Variants in DECR1 observed in about 807,000 individuals in gnomAD.
The protein encoded by DECR1 is 2,4-dienoyl-CoA reductase [(3E)-enoyl-CoA-producing], mitochondrial.
In DECR1, 44 loss-of-function variants were observed where a neutral mutation model predicts 38.8. That is an observed-to-expected ratio of 1.13 (90% CI 0.89 to 1.46). The LOEUF is 1.46. Among genes scored for constraint, DECR1 ranks in the 40% most tolerant of loss-of-function variants. The probability of loss-of-function intolerance (pLI) is 0.00; values close to 1 mark genes in which losing one functional copy is unlikely to be tolerated. For missense variants in DECR1, 428 were observed against 405.5 expected (o/e 1.06, Z -0.48); for synonymous variants, 148 against 135.2 (o/e 1.09, Z -0.66).
Position 90,017,212 on chromosome 8 carries a change from C to T in DECR1, c.158C>T (p.Pro53Leu). The change falls in exon 2 of 10, where the codon CCA becomes CTA. Residue 53 changes from proline to leucine, a missense_variant. Pro to Leu is a moderately conservative substitution (Grantham distance 98, BLOSUM62 -3). Transcript: ENST00000220764. ...FFSPLQKAML[P>L]PNSFQGKVAF... ...TCACCTCTTCAAAAAGCGATGCTACCACCTAATAGTTTTCAAGGAAAAGTG... is the reference window on the plus strand; with the variant it reads ...TCACCTCTTCAAAAAGCGATGCTACTACCTAATAGTTTTCAAGGAAAAGTG... 1 of 1,613,972 alleles carries T rather than the reference C, an allele frequency of 6.2e-7. No individual in the cohort carries two copies. Among genetic ancestry groups the T allele is most frequent in the South Asian group, 1.1e-5 (1 of 91,068 alleles).
chr8:90,031,759 T>A (rs1813500610), intron 5 of DECR1, among the ~76,000 whole-genome samples: 2 of 152,162 alleles, frequency 1.3e-5, no homozygotes, highest in South Asian at 4.1e-4. Flanking sequence ...GAGTTAGAAC[T>A]GCAACCAACA....
intron 1 of DECR1, among the ~76,000 whole-genome samples, chr8:90,011,893 T>C (rs1812891693): frequency 6.6e-6 from 1 of 152,314 alleles, no homozygotes; most frequent in Middle Eastern, 3.4e-3. Flanking sequence ...TCCTAAGAAG[T>C]TGCCAGAATT....
intron 8 of DECR1, among the ~76,000 whole-genome samples, chr8:90,045,905 G>A (rs1204234094): frequency 3.9e-5 from 6 of 152,194 alleles, no homozygotes; most frequent in Admixed American, 2.6e-4. Context: ...CTCCACTGGT[G>A]ATACCCAGGC....
rs1812611763 is a variant in DECR1, at chr8:90,001,571, C to A, written c.69+10C>A. 2.5e-6 allele frequency: 4 copies of A among 1,610,120 alleles called. No homozygotes were observed. The highest frequency in any genetic ancestry group is 3.4e-6 in the Non-Finnish European group (4 of 1,177,732). ...CCTCGCTCCTCGGAGGGTAAGGCGG[C>A]CGGGGGCGCGGGGAGCGAGGACAGG... On this transcript the variant is annotated intron_variant, in intron 1 of 9. Coordinates refer to ENST00000220764, the MANE Select transcript of DECR1 (RefSeq NM_001359.2).
At chr8:90,041,211 C>T (rs1021655398) in intron 6 of DECR1, among the ~76,000 whole-genome samples, 4 of 152,152 alleles carry the variant, frequency 2.6e-5, no homozygotes, top group African/African-American at 4.8e-5. Flanking sequence ...TTGCATTTCT[C>T]TAATGATCAG....
intron 5 of DECR1, among the ~76,000 whole-genome samples, chr8:90,035,942 T>C (rs1018332107): frequency 6.6e-6 from 1 of 151,902 alleles, no homozygotes; most frequent in Admixed American, 6.6e-5. Flanking sequence ...TTTTTTTTTC[T>C]GAGCTCTCTA....
chr8:90,014,031 A>G (rs1812949799), intron 1 of DECR1, among the ~76,000 whole-genome samples: 1 of 152,212 alleles, frequency 6.6e-6, no homozygotes, highest in South Asian at 2.1e-4. Flanking sequence ...GGAGAGATTT[A>G]GAGCTTGTAA....
rs754396277 is a variant in DECR1 at position 90,017,214 on chromosome 8, C to T, written c.160C>T (p.Pro54Ser). The stretch of plus-strand genomic sequence containing the variant: ...ACCTCTTCAAAAAGCGATGCTACCA[C>T]CTAATAGTTTTCAAGGAAAAGTGGC... ...FSPLQKAMLP[P>S]NSFQGKVAFI... The change falls in exon 2 of 10, where the codon CCT becomes TCT. Residue 54 changes from proline to serine, a missense_variant. Transcript: ENST00000220764. The T allele has an allele frequency of 1.9e-6, 3 of 1,614,052 alleles. No individual in the cohort carries two copies. In the Admixed American group the frequency reaches 5.0e-5, roughly 27 times the overall value.
chr8:90,011,722 T>G (rs1032767701), intron 1 of DECR1, among the ~76,000 whole-genome samples: 2 of 152,232 alleles, frequency 1.3e-5, no homozygotes, highest in African/African-American at 4.8e-5. Flanking sequence ...GTTTTCTTAA[T>G]TTCATTTTCA....
rs1450914268 is a variant in DECR1, at chr8:90,051,729, A to G, written c.938A>G (p.Asp313Gly). 1.2e-6 allele frequency: 2 copies of G among 1,613,238 alleles called. No homozygotes were observed. The highest frequency in any genetic ancestry group is 1.7e-6 in the Non-Finnish European group (2 of 1,179,846). The change falls in exon 9 of 10, where the codon GAC (aspartate) becomes GGC (glycine). Residue 313 changes from aspartate (D) to glycine (G), a missense_variant. Asp to Gly is a moderately conservative substitution (Grantham distance 94). Coordinates refer to ENST00000220764, the MANE Select transcript of DECR1 (RefSeq NM_001359.2). ...GTACTTATTTCAGGGGAATTCAACG[A>G]CCTGAGAAAGGTAATGCTTTTGTGT... ...EEVLISGEFN[D>G]LRKVTKEQWD...
chr8:90,035,313 C>CT (rs946031395), intron 5 of DECR1, among the ~76,000 whole-genome samples: 12 of 151,732 alleles, frequency 7.9e-5, no homozygotes, highest in African/African-American at 2.7e-4. Flanking sequence ...CTCTGTGACT[C>CT]TAACTATACG....
chr8:90,048,330 G>T (rs1813966815), intron 8 of DECR1, among the ~76,000 whole-genome samples: 5 of 151,920 alleles, frequency 3.3e-5, no homozygotes. Context: ...TCAAATAGAT[G>T]CAATAAAAAA....
Position 90,052,017 on chromosome 8 carries a change from G to A in DECR1, c.*120G>A. The A allele has an allele frequency of 2.4e-6, 2 of 836,328 alleles. No individual in the cohort carries two copies. The highest frequency in any genetic ancestry group is 3.8e-6 in the Non-Finnish European group (2 of 521,942). The allele number at this position is 836,328 out of a possible 1,614,324, so 51.8% of individuals were successfully genotyped here. ...TAATTAACAAACATTCATTGAATAT[G>A]TATTATGTGCCAGGCCAGTGATAGC... On this transcript the variant is annotated 3_prime_UTR_variant, in exon 10 of 10. Coordinates refer to ENST00000220764, the MANE Select transcript of DECR1 (RefSeq NM_001359.2).
At chr8:90,047,333 G>A (rs1247344722) in intron 8 of DECR1, among the ~76,000 whole-genome samples, 2 of 151,998 alleles carry the variant, frequency 1.3e-5, no homozygotes, top group African/African-American at 2.4e-5. Context: ...AAGGCATGGA[G>A]GAAACCCTAC....
At chr8:90,006,198 C>T (rs1812735785) in intron 1 of DECR1, 2 of 703,812 alleles carry the variant, frequency 2.8e-6, no homozygotes. Flanking sequence ...CAGAAAGAAG[C>T]CTGGAGTTGT....
In DECR1 at chr8:90,001,566, G is replaced by C. The variant is rs1294987290; in HGVS notation, c.69+5G>C. The stretch of plus-strand genomic sequence containing the variant: ...TGTGGCCTCGCTCCTCGGAGGGTAA[G>C]GCGGCCGGGGGCGCGGGGAGCGAGG... On this transcript the variant is annotated splice_donor_5th_base_variant and intron_variant, in intron 1 of 9. Transcript: ENST00000220764. 6.2e-7 allele frequency: 1 copy of C among 1,611,060 alleles called. No individual in the cohort carries two copies. Among genetic ancestry groups the C allele is most frequent in the Non-Finnish European group, 8.5e-7 (1 of 1,178,200 alleles).
chr8:90,051,009 C>T (rs766073562), intron 8 of DECR1, among the ~76,000 whole-genome samples: 1 of 152,108 alleles, frequency 6.6e-6, no homozygotes, highest in South Asian at 2.1e-4. Context: ...GAACATCACA[C>T]ATGGGGGCCC....
chr8:90,010,019 A>G (rs1054129983), intron 1 of DECR1, among the ~76,000 whole-genome samples: 1 of 152,220 alleles, frequency 6.6e-6, no homozygotes, highest in Non-Finnish European at 1.5e-5. Flanking sequence ...GCTCCTGGCA[A>G]CTGCATAATT....
chr8:90,003,046 G>T (rs1305038789), intron 1 of DECR1: 1 of 152,158 alleles, frequency 6.6e-6, no homozygotes, highest in African/African-American at 2.4e-5. Flanking sequence ...TGACAATTTT[G>T]AAATTCCTTT....
Sources: gnomAD v4.1 joint callset for allele counts (sites outside exome capture counted in the v4.1 genomes callset) on GRCh38, gnomAD v4.1.1 for gene constraint, MANE v1.5 for transcripts, NCBI Gene and HGNC (gene_info 2026-07-23, HGNC 2026-07-21) for gene names.